The following PHACTR2 variants were observed in gnomAD, a reference collection of about 807,000 sequenced individuals.
The protein encoded by PHACTR2 is chromosome 6 open reading frame 56.
A neutral mutation model predicts 76.0 loss-of-function variants in PHACTR2; 30 were observed. The observed-to-expected ratio is 0.39, with a 90% confidence interval of 0.30 to 0.54. The LOEUF is 0.54. Among genes scored for constraint, PHACTR2 ranks in the 20% least tolerant of loss-of-function variants. The pLI, the probability that PHACTR2 is intolerant of heterozygous loss-of-function variation, is 0.61. For synonymous variants in PHACTR2, 292 were observed against 292.5 expected, an observed-to-expected ratio of 1.00 and a Z score of 0.02; for missense variants, 696 against 781.1, an observed-to-expected ratio of 0.89 and a Z score of 1.30.
rs1781128304 is a variant in PHACTR2, at chr6:143,537,431, G to C, written c.217+224G>C. On this transcript the variant is annotated intron_variant, in intron 1 of 11. Transcript: ENST00000367584. This position sits in a 1 kb window ranked among gnomAD's most constrained non-coding sequence, Gnocchi z 4.4. The stretch of plus-strand genomic sequence containing the variant: ...CGGAAGATGCTAAAAGCAGGCGACG[G>C]CTTGGTGCGCCTTGCGGGGCGAGTG... 6.6e-6 allele frequency among the ~76,000 whole-genome samples: 1 copy of C among 152,176 alleles called. No individual in the cohort carries two copies.
At chr6:143,563,903 T>G (rs1775320672) in intron 1 of PHACTR2, among the ~76,000 whole-genome samples, 1 of 150,312 alleles carries the variant, frequency 6.7e-6, no homozygotes, top group Non-Finnish European at 1.5e-5. Context: ...ATTTGGGAGG[T>G]TGAGGTGGGA....
intron 4 of PHACTR2, among the ~76,000 whole-genome samples, chr6:143,758,289 G>A (rs749656274): frequency 6.6e-6 from 1 of 152,138 alleles, no homozygotes. Flanking sequence ...AGAGTTTGTG[G>A]TATATAAGAG....
rs1358733568 is a variant in PHACTR2, at chr6:143,783,573, C to T, written c.1707+293C>T. Among the ~76,000 whole-genome samples, 2 of 152,072 alleles carry T rather than the reference C, an allele frequency of 1.3e-5. No homozygotes were observed. The highest frequency in any genetic ancestry group is 2.9e-5 in the Non-Finnish European group (2 of 68,014). ...GGCAGAGGTTGCTGTGACCTGATAT[C>T]GTGCCACTGCACTCCAGGCTGGGAG... is the stretch of plus-strand genomic sequence containing the variant. On this transcript the variant is annotated intron_variant, in intron 10 of 12. Coordinates refer to ENST00000440869, the MANE Select transcript of PHACTR2 (RefSeq NM_001100164.2). The surrounding 1 kb of genome is among the most constrained non-coding windows in gnomAD (Gnocchi z 5.2).
Position 143,789,142 on chromosome 6 carries a change from C to T in PHACTR2, c.1845+232C>T, listed in dbSNP as rs571250602. On this transcript the variant is annotated intron_variant, in intron 11 of 12. Coordinates refer to ENST00000440869, the MANE Select transcript of PHACTR2 (RefSeq NM_001100164.2). The surrounding 1 kb of genome is among the most constrained non-coding windows in gnomAD (Gnocchi z 5.1). ...ATTTACCATATAACCTACCTGCTTT[C>T]ATACCTGGATGAGGAGGGCTTTCTC... The T allele has an allele frequency of 4.1e-5, 15 of 362,520 alleles. No homozygotes were observed. In the Admixed American group the frequency reaches 5.1e-4, roughly 12 times the overall value. 22.5% of individuals were successfully genotyped at this position (362,520 alleles called of 1,614,324 possible). A position where few individuals can be genotyped will look rare whatever the true frequency, so the allele number is the denominator to read the frequency against.
chr6:143,808,509 G>A (rs1238796871), intron 12 of PHACTR2, among the ~76,000 whole-genome samples: 1 of 151,956 alleles, frequency 6.6e-6, no homozygotes, highest in Non-Finnish European at 1.5e-5. Flanking sequence ...CTGTATAATA[G>A]CTATTTATAC....
chr6:143,649,914 A>G (rs765587708), intron 1 of PHACTR2, among the ~76,000 whole-genome samples: 7 of 152,222 alleles, frequency 4.6e-5, no homozygotes, highest in East Asian at 3.8e-4. Context: ...TTGTTTGCAG[A>G]TGACATGATC....
intron 2 of PHACTR2, among the ~76,000 whole-genome samples, chr6:143,717,493 A>T (rs549406223): frequency 7.5e-4 from 114 of 151,892 alleles, no homozygotes; most frequent in African/African-American, 2.7e-3. Context: ...GGGATGTAAT[A>T]AAAAAAACAT....
In PHACTR2 at chr6:143,608,717, A is replaced by C. The variant is rs112838087; in HGVS notation, c.13+395A>C. Among the ~76,000 whole-genome samples the C allele has an allele frequency of 6.6e-6, 1 of 152,218 alleles. No homozygotes were observed. The highest frequency in any genetic ancestry group is 2.4e-5 in the African/African-American group (1 of 41,456). ...AGCAAAAATTCTGTGTAAATATTAC[A>C]ATATGCACAGTGTAACAGCATAAGA... On this transcript the variant is annotated intron_variant, in intron 1 of 11. Transcript: ENST00000305766. This position sits in a 1 kb window ranked among gnomAD's most constrained non-coding sequence, Gnocchi z 4.6.
rs1779147523 is a variant in PHACTR2 at position 143,749,764 on chromosome 6, A to G, written c.295+699A>G. Among the ~76,000 whole-genome samples the G allele has an allele frequency of 2.6e-5, 4 of 152,300 alleles. No homozygotes were observed. In the South Asian group the frequency reaches 8.3e-4, roughly 32 times the overall value. On this transcript the variant is annotated intron_variant, in intron 3 of 12. Coordinates refer to ENST00000440869, the MANE Select transcript of PHACTR2 (RefSeq NM_001100164.2). ...AGATAGAAACTGGTACTGACCCTCA[A>G]AAGAAGACGCTAACATTGGTTATTT...
At chr6:143,762,608 CTT>C (rs1056948900) in intron 5 of PHACTR2, among the ~76,000 whole-genome samples, 1 of 152,162 alleles carries the variant, frequency 6.6e-6, no homozygotes, top group Non-Finnish European at 1.5e-5. Context: ...TGCATAGTAA[CTT>C]TGTTTTATTT....
intron 1 of PHACTR2, among the ~76,000 whole-genome samples, chr6:143,574,634 A>G (rs1775485105): frequency 6.6e-6 from 1 of 152,044 alleles, no homozygotes; most frequent in South Asian, 2.1e-4. Context: ...TACTGGTAAA[A>G]TGATTCCCCG....
rs533855134 is a variant in PHACTR2 at position 143,611,315 on chromosome 6, G to A, written c.13+2993G>A. Among the ~76,000 whole-genome samples, 68 of 152,270 alleles carry A rather than the reference G, an allele frequency of 4.5e-4. No individual in the cohort carries two copies. The highest frequency in any genetic ancestry group is 1.5e-3 in the African/African-American group (62 of 41,544). Reference sequence around the variant, plus strand: ...CGCCTTCACCGTGCATTCTAGCTCAGTGGTTCAAAGCCTTTTGACAATTGA... The same window carrying A: ...CGCCTTCACCGTGCATTCTAGCTCAATGGTTCAAAGCCTTTTGACAATTGA... On this transcript the variant is annotated intron_variant, in intron 1 of 11. Coordinates refer to the PHACTR2 transcript ENST00000305766. The surrounding 1 kb of genome is among the most constrained non-coding windows in gnomAD (Gnocchi z 4.4).
rs761539235 is a variant in PHACTR2 at position 143,547,884 on chromosome 6, G to T, written c.217+10677G>T. Among the ~76,000 whole-genome samples the T allele has an allele frequency of 9.2e-5, 14 of 151,788 alleles. No homozygotes were observed. Among genetic ancestry groups the T allele is most frequent in the African/African-American group, 3.2e-4 (13 of 41,162 alleles). The stretch of plus-strand genomic sequence containing the variant: ...TGTATCTATGTATGTATGTATGTAC[G>T]TATGTATCTATCTATCTATCTATCA... On this transcript the variant is annotated intron_variant, in intron 1 of 11. Coordinates refer to the PHACTR2 transcript ENST00000367584. The surrounding 1 kb of genome is among the most constrained non-coding windows in gnomAD (Gnocchi z 4.2).
At chr6:143,736,810 G>A (rs904397999) in intron 2 of PHACTR2, among the ~76,000 whole-genome samples, 42 of 151,612 alleles carry the variant, frequency 2.8e-4, no homozygotes, top group African/African-American at 8.5e-4. Context: ...TCCTGACCTC[G>A]TGATCCGCCC....
Position 143,829,117 on chromosome 6 carries a change from G to A in PHACTR2, c.*5428G>A, listed in dbSNP as rs1299105875. The stretch of plus-strand genomic sequence containing the variant: ...GGCCATTCAGTGGGCATGGGGACTT[G>A]GCCTAGTCCCTATATATATATACTT... On this transcript the variant is annotated 3_prime_UTR_variant, in exon 13 of 13. Transcript: ENST00000440869. The A allele has an allele frequency of 1.3e-5, 2 of 151,346 alleles. No homozygotes were observed. Among genetic ancestry groups the A allele is most frequent in the African/African-American group, 4.9e-5 (2 of 41,082 alleles). 9.4% of individuals were successfully genotyped at this position (151,346 alleles called of 1,614,324 possible). A position where few individuals can be genotyped will look rare whatever the true frequency, so the allele number is the denominator to read the frequency against.
rs1263351747 is a variant in PHACTR2, at chr6:143,550,703, C to T, written c.217+13496C>T. On this transcript the variant is annotated intron_variant, in intron 1 of 11. Transcript: ENST00000367584. The surrounding 1 kb of genome is among the most constrained non-coding windows in gnomAD (Gnocchi z 4.8). ...TCTAGAGGACTGTACAATTAAGAGG[C>T]GGGAATAGATTTAAAAAAACAAACA... Among the ~76,000 whole-genome samples the T allele has an allele frequency of 6.6e-6, 1 of 151,332 alleles. No homozygotes were observed. The highest frequency in any genetic ancestry group is 1.5e-5 in the Non-Finnish European group (1 of 67,882).
At chr6:143,748,044 A>G (rs1779104876) in intron 2 of PHACTR2, among the ~76,000 whole-genome samples, 1 of 151,978 alleles carries the variant, frequency 6.6e-6, no homozygotes, top group Non-Finnish European at 1.5e-5. Flanking sequence ...ATGGCTTTAC[A>G]TGTCTGTGAA....
chr6:143,796,231 T>C (rs2128481230), intron 11 of PHACTR2, among the ~76,000 whole-genome samples: 1 of 152,312 alleles, frequency 6.6e-6, no homozygotes, highest in East Asian at 1.9e-4. Context: ...GGCATTGAAC[T>C]TGATTGATGA....
At position 143,694,176 on chromosome 6, in the gene PHACTR2, G is replaced by A. The variant is rs1244499865; in HGVS notation, c.46+15967G>A. Among the ~76,000 whole-genome samples, 3 of 148,492 alleles carry A rather than the reference G, an allele frequency of 2.0e-5. 1 individual carries two copies. The highest frequency in any genetic ancestry group is 7.5e-5 in the African/African-American group (3 of 40,186). ...CCTGCGACAGGGAGTGGGGAGGGAA[G>A]GAAGGAGGGAGGGAGGGAGGAAAGG... is the stretch of plus-strand genomic sequence containing the variant. On this transcript the variant is annotated intron_variant, in intron 1 of 12. Transcript: ENST00000440869.
Sources: allele counts gnomAD v4.1 joint callset (sites outside exome capture counted in the v4.1 genomes callset), GRCh38; gene constraint gnomAD v4.1.1; non-coding constraint Gnocchi (gnomAD v3.1); transcripts MANE v1.5; gene names NCBI Gene and HGNC (gene_info 2026-07-23, HGNC 2026-07-21).